HEMK2: variants seen among roughly 807,000 people sequenced by gnomAD.
The protein encoded by HEMK2 is HemK methyltransferase 2, ETF1 glutamine and histone H4 lysine.
chr21:28,705,998 C>T, the HEMK2 span, among the ~76,000 whole-genome samples: 1 of 152,184 alleles, frequency 6.6e-6, no homozygotes, highest in Non-Finnish European at 1.5e-5. Flanking sequence ...ATCTTAAAGT[C>T]TTTAATATCA....
chr21:28,606,159 T>C, the HEMK2 span, among the ~76,000 whole-genome samples: 1 of 152,076 alleles, frequency 6.6e-6, no homozygotes, highest in Non-Finnish European at 1.5e-5. Flanking sequence ...TATAGAGAGA[T>C]AGTACTGTAA....
the HEMK2 span, among the ~76,000 whole-genome samples, chr21:28,781,227 A>C: frequency 6.6e-6 from 1 of 152,248 alleles, no homozygotes; most frequent in Admixed American, 6.5e-5. Context: ...TTCTTCCTGC[A>C]GGTGAATTAC....
At chr21:28,709,750 C>A in the HEMK2 span, among the ~76,000 whole-genome samples, 1 of 152,000 alleles carries the variant, frequency 6.6e-6, no homozygotes, top group Non-Finnish European at 1.5e-5. Context: ...GGGAGAAAAG[C>A]ACAGGAAACT....
At chr21:28,683,505 C>T in the HEMK2 span, among the ~76,000 whole-genome samples, 9 of 152,022 alleles carry the variant, frequency 5.9e-5, no homozygotes, top group Non-Finnish European at 1.0e-4. Flanking sequence ...GCCAGTATCT[C>T]GAGAAATTTT....
chr21:28,805,094 C>A, the HEMK2 span, among the ~76,000 whole-genome samples: 24 of 152,160 alleles, frequency 1.6e-4, no homozygotes, highest in African/African-American at 4.8e-4. Context: ...TTCTGTCTTG[C>A]AGAAGCAAGG....
the HEMK2 span, among the ~76,000 whole-genome samples, chr21:28,716,706 T>C: frequency 1.3e-5 from 2 of 152,210 alleles, no homozygotes; most frequent in African/African-American, 4.8e-5. Context: ...TTAAGGGAAA[T>C]GCTTCCAGCT....
chr21:28,654,481 A>T, the HEMK2 span, among the ~76,000 whole-genome samples: 1 of 152,256 alleles, frequency 6.6e-6, no homozygotes, highest in Middle Eastern at 3.4e-3. Context: ...CAAAAGTTAG[A>T]GATCCATAAA....
chr21:28,595,154 G>A, the HEMK2 span, among the ~76,000 whole-genome samples: 173 of 152,210 alleles, frequency 1.1e-3, no homozygotes, highest in African/African-American at 4.0e-3. Context: ...ATCCTCCAAC[G>A]TTTATCCTTT....
At chr21:28,735,248 C>T in the HEMK2 span, among the ~76,000 whole-genome samples, 3 of 152,124 alleles carry the variant, frequency 2.0e-5, no homozygotes, top group East Asian at 5.8e-4. Context: ...AAGTCTAGTA[C>T]AATAGGACTG....
the HEMK2 span, among the ~76,000 whole-genome samples, chr21:28,719,558 T>C: frequency 6.6e-6 from 1 of 152,180 alleles, no homozygotes; most frequent in Non-Finnish European, 1.5e-5. Flanking sequence ...TTGAACCTCT[T>C]TCCTTTACAA....
chr21:28,844,499 T>C, the HEMK2 span, among the ~76,000 whole-genome samples: 15 of 152,136 alleles, frequency 9.9e-5, no homozygotes, highest in Non-Finnish European at 2.1e-4. Flanking sequence ...GCACTAATCA[T>C]TATTTTTAAT....
the HEMK2 span, among the ~76,000 whole-genome samples, chr21:28,868,976 A>ATT: frequency 1.4e-5 from 2 of 143,536 alleles, no homozygotes; most frequent in Non-Finnish European, 3.1e-5. Context: ...TTTCCCTTTC[A>ATT]TTTTTTTTTT....
the HEMK2 span, among the ~76,000 whole-genome samples, chr21:28,582,922 A>C: frequency 5.8e-4 from 89 of 152,220 alleles, no homozygotes; most frequent in Non-Finnish European, 6.8e-4. Context: ...GATAATATCA[A>C]GACAGTACAA....
the HEMK2 span, among the ~76,000 whole-genome samples, chr21:28,593,029 A>G: frequency 8.2e-4 from 125 of 152,228 alleles, no homozygotes; most frequent in African/African-American, 2.6e-3. Flanking sequence ...ATGTAAAAAA[A>G]TTATTAAAAA....
the HEMK2 span, among the ~76,000 whole-genome samples, chr21:28,616,624 A>T: frequency 6.6e-6 from 1 of 152,216 alleles, no homozygotes; most frequent in Non-Finnish European, 1.5e-5. Flanking sequence ...AAAGCTCAAA[A>T]TTATCAGAAA....
At chr21:28,671,173 C>G in the HEMK2 span, 1 of 152,152 alleles carries the variant, frequency 6.6e-6, no homozygotes, top group Non-Finnish European at 1.5e-5. Context: ...TTGGATCTTG[C>G]CTGTGATCCA....
the HEMK2 span, among the ~76,000 whole-genome samples, chr21:28,647,212 G>A: frequency 1.3e-5 from 2 of 150,868 alleles, no homozygotes; most frequent in Non-Finnish European, 2.9e-5. Flanking sequence ...GGGGCCGGGC[G>A]CAGTGGCTCA....
the HEMK2 span, among the ~76,000 whole-genome samples, chr21:28,869,149 GTTCC>G: frequency 1.3e-5 from 2 of 152,106 alleles, no homozygotes; most frequent in African/African-American, 4.8e-5. Context: ...GGTTAAGAAA[GTTCC>G]TTCTCTTCCT....
the HEMK2 span, among the ~76,000 whole-genome samples, chr21:28,716,010 T>C: frequency 2.0e-5 from 3 of 152,202 alleles, no homozygotes; most frequent in Non-Finnish European, 4.4e-5. Context: ...GTATCTGTTT[T>C]TGAAGTTGTA....
Sources: allele counts gnomAD v4.1 joint callset (sites outside exome capture counted in the v4.1 genomes callset), GRCh38; gene constraint gnomAD v4.1.1; transcripts MANE v1.5; gene names NCBI Gene and HGNC (gene_info 2026-07-23, HGNC 2026-07-21).